Variants in NMU observed in about 807,000 individuals in gnomAD.
The protein encoded by NMU is neuromedin-U.
NMU carries 29 observed loss-of-function variants against 35.4 expected under a neutral mutation model. That is an observed-to-expected ratio of 0.82 (90% CI 0.61 to 1.12). The LOEUF is 1.12. NMU is among the 50% of genes most tolerant of loss of function. NMU has a pLI of 0.00. For synonymous variants in NMU, 78 were observed against 81.3 expected, an observed-to-expected ratio of 0.96 and a Z score of 0.22; for missense variants, 199 against 206.2, an observed-to-expected ratio of 0.97 and a Z score of 0.21.
Position 55,605,272 on chromosome 4 carries a change from T to C in NMU, c.435+3A>G. 2 of 1,604,996 alleles carry C rather than the reference T, an allele frequency of 1.2e-6. No homozygotes were observed. Among genetic ancestry groups the C allele is most frequent in the East Asian group, 4.5e-5 (2 of 44,836 alleles). On this transcript the variant is annotated splice_donor_region_variant and intron_variant, in intron 7 of 9. Transcript: ENST00000264218. ...AAGCCAGCATGCAGTTTGTATTACA[T>C]ACGTCCACTCTGAATCTCTTCATTC...
At chr4:55,626,691 G>C (rs1345304999) in intron 2 of NMU, among the ~76,000 whole-genome samples, 8 of 152,184 alleles carry the variant, frequency 5.3e-5, no homozygotes, top group Non-Finnish European at 1.2e-4. Context: ...CTGGGCAACA[G>C]AGCGAGACCC....
In NMU at chr4:55,630,386, G is replaced by A; in HGVS notation, c.171+16C>T. The A allele has an allele frequency of 6.3e-7, 1 of 1,591,114 alleles. No individual in the cohort carries two copies. Among genetic ancestry groups the A allele is most frequent in the African/African-American group, 1.3e-5 (1 of 74,578 alleles). On this transcript the variant is annotated intron_variant, in intron 2 of 9. Transcript: ENST00000264218. The stretch of plus-strand genomic sequence containing the variant: ...GGGTAAAGTTTCTACAAATTTGTGT[G>A]ATGATAGTTCCTTACCTCATTCCAC...
chr4:55,626,193 G>A (rs1391998556), intron 2 of NMU, among the ~76,000 whole-genome samples: 1 of 152,214 alleles, frequency 6.6e-6, no homozygotes, highest in East Asian at 1.9e-4. Context: ...GGTAGAAAGT[G>A]ACACTTTGCT....
intron 9 of NMU, among the ~76,000 whole-genome samples, 152 bp from the exon 10 acceptor site, chr4:55,595,563 T>TATATATATATATATATACAC (rs755203914): frequency 9.4e-4 from 113 of 120,036 alleles, no homozygotes; most frequent in East Asian, 1.7e-3. Flanking sequence ...TATATATATA[T>TATATATATATATATATACAC]ACACACACAC....
intron 3 of NMU, among the ~76,000 whole-genome samples, chr4:55,609,719 T>A (rs1444918915): frequency 6.6e-6 from 1 of 152,170 alleles, no homozygotes. Context: ...CAGCCCAGGA[T>A]CAGGTTTTTC....
intron 3 of NMU, among the ~76,000 whole-genome samples, chr4:55,614,612 T>C (rs1734048705): frequency 6.6e-6 from 1 of 152,220 alleles, no homozygotes; most frequent in Non-Finnish European, 1.5e-5. Context: ...ATTAAATTTA[T>C]TACAATTTCA....
chr4:55,613,851 C>A (rs1348717204), intron 3 of NMU, among the ~76,000 whole-genome samples: 1 of 152,150 alleles, frequency 6.6e-6, no homozygotes, highest in Non-Finnish European at 1.5e-5. Flanking sequence ...CGGTTGCCTC[C>A]ACCACCCCTG....
rs746222578 is a variant in NMU, at chr4:55,603,911, C to CA, written c.435+1363dup. Among the ~76,000 whole-genome samples the CA allele has an allele frequency of 9.4e-3, 473 of 50,120 alleles. 44 individuals carry two copies. The highest frequency in any genetic ancestry group is 0.054 in the African/African-American group (443 of 8,158). The allele number at this position is 50,120 out of a possible 152,430, so 32.9% of individuals were successfully genotyped here. A position where few individuals can be genotyped will look rare whatever the true frequency, so the allele number is the denominator to read the frequency against. On this transcript the variant is annotated intron_variant, in intron 7 of 9. Coordinates refer to ENST00000264218, the MANE Select transcript of NMU (RefSeq NM_006681.4). ...TGGGCGACAGAGCAAGAGTCCGTCT[C>CA]AAAAAAAAAAAAAAAATATATATAT...
intron 7 of NMU, among the ~76,000 whole-genome samples, chr4:55,601,597 C>T (rs1330555343): frequency 6.6e-6 from 1 of 151,902 alleles, no homozygotes. Flanking sequence ...ATATGTATAA[C>T]TATAATAAAC....
chr4:55,626,668 A>C (rs1734542649), intron 2 of NMU, among the ~76,000 whole-genome samples: 1 of 152,220 alleles, frequency 6.6e-6, no homozygotes, highest in Non-Finnish European at 1.5e-5. Flanking sequence ...AGGTCATGCC[A>C]CTGTACTCCA....
chr4:55,618,754 TTTC>T lies in NMU; in HGVS notation c.172-2372_172-2370del, dbSNP rs1183314779. Among the ~76,000 whole-genome samples the T allele has an allele frequency of 2.0e-4, 25 of 126,012 alleles. No individual in the cohort carries two copies. The East Asian group carries it at 7.4e-3, about 37-fold the overall frequency. 82.7% of individuals were successfully genotyped at this position (126,012 alleles called of 152,430 possible). On this transcript the variant is annotated intron_variant, in intron 2 of 9. Coordinates refer to ENST00000264218, the MANE Select transcript of NMU (RefSeq NM_006681.4). ...TCTTTCTTTCTTTTTCTTCTCTTTC[TTTC>T]TTCTCTCTCTTTCTTCTCTTTCTTT...
At chr4:55,634,686 G>T (rs1715803898) in intron 1 of NMU, among the ~76,000 whole-genome samples, 2 of 152,136 alleles carry the variant, frequency 1.3e-5, no homozygotes, top group South Asian at 4.1e-4. Context: ...CCTTAAGAAG[G>T]CAGATAAAGA....
intron 3 of NMU, among the ~76,000 whole-genome samples, chr4:55,612,382 A>C (rs775154476): frequency 4.6e-5 from 7 of 152,236 alleles, no homozygotes; most frequent in Non-Finnish European, 8.8e-5. Flanking sequence ...CCTGGGCGAC[A>C]GAGTGAGACC....
chr4:55,599,959 T>C (rs1336208433), intron 8 of NMU, among the ~76,000 whole-genome samples: 3 of 152,132 alleles, frequency 2.0e-5, no homozygotes. Flanking sequence ...AATAAATAGT[T>C]GTTGAATGAA....
chr4:55,628,589 C>T (rs953280775), intron 2 of NMU, among the ~76,000 whole-genome samples: 1 of 152,078 alleles, frequency 6.6e-6, no homozygotes, highest in African/African-American at 2.4e-5. Flanking sequence ...ACCTCCGCTT[C>T]CCAGGCTCAA....
chr4:55,628,996 G>T (rs1443360838), intron 2 of NMU, among the ~76,000 whole-genome samples: 1 of 151,754 alleles, frequency 6.6e-6, no homozygotes, highest in Admixed American at 6.6e-5. Flanking sequence ...TTCCCTGAAG[G>T]TCTATCAGTT....
intron 1 of NMU, among the ~76,000 whole-genome samples, chr4:55,635,554 G>C (rs953198442): frequency 1.9e-4 from 29 of 152,130 alleles, no homozygotes; most frequent in Non-Finnish European, 2.9e-5. Context: ...CGGTTAGCGT[G>C]GGGCCCGTTG....
At chr4:55,610,070 G>A (rs2110194451) in intron 3 of NMU, among the ~76,000 whole-genome samples, 1 of 152,276 alleles carries the variant, frequency 6.6e-6, no homozygotes, top group Admixed American at 6.5e-5. Context: ...TCAGCTCTAA[G>A]TCGGGGATGA....
intron 7 of NMU, among the ~76,000 whole-genome samples, chr4:55,602,603 T>C (rs1391688374): frequency 6.6e-6 from 1 of 152,216 alleles, no homozygotes; most frequent in Non-Finnish European, 1.5e-5. Context: ...AAACTGTATC[T>C]TTAAGTTGAA....
Sources: allele counts gnomAD v4.1 joint callset (sites outside exome capture counted in the v4.1 genomes callset), GRCh38; gene constraint gnomAD v4.1.1; transcripts MANE v1.5; gene names NCBI Gene and HGNC (gene_info 2026-07-23, HGNC 2026-07-21).